Variants in METTL15 observed in about 807,000 individuals in gnomAD.
The protein encoded by METTL15 is 12S rRNA N(4)-cytidine methyltransferase METTL15.
In METTL15, 34 loss-of-function variants were observed where a neutral mutation model predicts 38.3. The observed-to-expected ratio is 0.89, with a 90% CI of 0.68 to 1.18. The LOEUF is 1.18. Among genes scored for constraint, METTL15 ranks in the 50% most tolerant of loss-of-function variants. METTL15 has a pLI of 0.00. For missense variants in METTL15, 438 were observed against 498.4 expected, an observed-to-expected ratio of 0.88 and a Z score of 1.15; for synonymous variants, 162 against 170.9, an observed-to-expected ratio of 0.95 and a Z score of 0.41.
chr11:28,155,567 C>T (rs1289174659), intron 3 of METTL15, among the ~76,000 whole-genome samples: 1 of 152,042 alleles, frequency 6.6e-6, no homozygotes, highest in Non-Finnish European at 1.5e-5. Flanking sequence ...ACCCTCTTAA[C>T]AGAGATGAGA....
rs186644061 is a variant in METTL15 at position 28,498,260 on chromosome 11, G to T, written c.*425-28218G>T. Among the ~76,000 whole-genome samples, 14 of 152,130 alleles carry T rather than the reference G, an allele frequency of 9.2e-5. No individual in the cohort carries two copies. The East Asian group carries it at 2.7e-3, about 30-fold the overall frequency. ...TGCAAGCTCTGCCTCCTGGGTTCACGCCATTCTCCTACCTCAGCCTCCGGA... is the reference window on the plus strand; with the variant it reads ...TGCAAGCTCTGCCTCCTGGGTTCACTCCATTCTCCTACCTCAGCCTCCGGA... On this transcript the variant is annotated intron_variant and NMD_transcript_variant, in intron 6 of 7. Transcript: ENST00000532947.
In METTL15 at chr11:28,377,874, A is replaced by C. The variant is rs1850335420; in HGVS notation, c.*358+15838A>C. ...TCTGTTTGTTAGTTTTCCTTCTAACAGACAGGACCCTCAGCTGCAGGTCTG... is the reference window on the plus strand; with the variant it reads ...TCTGTTTGTTAGTTTTCCTTCTAACCGACAGGACCCTCAGCTGCAGGTCTG... On this transcript the variant is annotated intron_variant and NMD_transcript_variant, in intron 5 of 7. Coordinates refer to the METTL15 transcript ENST00000532947. Among the ~76,000 whole-genome samples the C allele has an allele frequency of 1.3e-5, 2 of 151,962 alleles. 1 individual carries two copies. Among genetic ancestry groups the C allele is most frequent in the South Asian group, 4.2e-4 (2 of 4,812 alleles).
chr11:28,176,427 C>G (rs763402257), intron 3 of METTL15, among the ~76,000 whole-genome samples: 2 of 152,184 alleles, frequency 1.3e-5, no homozygotes, highest in Non-Finnish European at 2.9e-5. Context: ...GAATCCTTGC[C>G]TTACGATTTT....
intron 4 of METTL15, among the ~76,000 whole-genome samples, chr11:28,223,146 T>C (rs1853320225): frequency 6.6e-6 from 1 of 152,150 alleles, no homozygotes; most frequent in East Asian, 1.9e-4. Context: ...TGTTTTTACA[T>C]TTCCTACAAA....
intron 2 of METTL15, among the ~76,000 whole-genome samples, chr11:28,112,390 G>T (rs115380327): frequency 2.6e-5 from 4 of 152,106 alleles, no homozygotes; most frequent in Admixed American, 2.6e-4. Context: ...CTAATAACCT[G>T]TAAGGAAAGA....
At chr11:28,438,709 C>G (rs540367401) in intron 6 of METTL15, among the ~76,000 whole-genome samples, 1 of 132,790 alleles carries the variant, frequency 7.5e-6, no homozygotes, top group Non-Finnish European at 1.5e-5. Context: ...GAGTCTCGCT[C>G]TGTCGCACAG....
chr11:28,299,624 A>G (rs982864320), intron 6 of METTL15, among the ~76,000 whole-genome samples: 6 of 152,122 alleles, frequency 3.9e-5, no homozygotes, highest in African/African-American at 7.2e-5. Flanking sequence ...GAAAAGGGTT[A>G]AATCTGTCCA....
At chr11:28,374,441 T>C (rs1850282501) in intron 5 of METTL15, among the ~76,000 whole-genome samples, 1 of 150,418 alleles carries the variant, frequency 6.6e-6, no homozygotes, top group African/African-American at 2.4e-5. Flanking sequence ...TGAATGGGAG[T>C]TCACTCATGA....
intron 4 of METTL15, among the ~76,000 whole-genome samples, chr11:28,235,795 T>G (rs1378432812): frequency 1.3e-5 from 2 of 152,200 alleles, no homozygotes; most frequent in African/African-American, 2.4e-5. Flanking sequence ...GAATACCCTT[T>G]ATTTCCTTCT....
At chr11:28,430,858 G>A (rs1291078848) in intron 6 of METTL15, among the ~76,000 whole-genome samples, 2 of 113,090 alleles carry the variant, frequency 1.8e-5, no homozygotes, top group Admixed American at 8.7e-5. Flanking sequence ...AGGTGGGGGG[G>A]GTCAGCCCCC....
intron 6 of METTL15, among the ~76,000 whole-genome samples, chr11:28,429,447 C>T (rs1303176098): frequency 3.1e-5 from 4 of 130,510 alleles, no homozygotes; most frequent in East Asian, 2.7e-4. Context: ...GCTGCCATCT[C>T]GGCTCACTGC....
chr11:28,197,184 T>C (rs914494254), intron 3 of METTL15, among the ~76,000 whole-genome samples: 7 of 151,996 alleles, frequency 4.6e-5, no homozygotes, highest in African/African-American at 1.7e-4. Flanking sequence ...GTAATTTTTA[T>C]TGAATTTTAA....
At chr11:28,372,419 T>C (rs1176762436) in intron 5 of METTL15, among the ~76,000 whole-genome samples, 6 of 150,344 alleles carry the variant, frequency 4.0e-5, no homozygotes, top group African/African-American at 1.5e-4. Flanking sequence ...CATTAGTACA[T>C]TGGCTAGAAG....
At chr11:28,431,244 C>T (rs1195466870) in intron 6 of METTL15, among the ~76,000 whole-genome samples, 3 of 144,068 alleles carry the variant, frequency 2.1e-5, no homozygotes, top group African/African-American at 7.5e-5. Context: ...AAGTGAGGAG[C>T]CCCTCTGCCC....
At chr11:28,395,931 G>A (rs1850563447) in intron 5 of METTL15, among the ~76,000 whole-genome samples, 2 of 152,242 alleles carry the variant, frequency 1.3e-5, no homozygotes, top group African/African-American at 4.8e-5. Context: ...GGGATGCAAG[G>A]CTGGTTCAAC....
At chr11:28,501,609 G>A (rs1851583255) in intron 6 of METTL15, among the ~76,000 whole-genome samples, 2 of 152,070 alleles carry the variant, frequency 1.3e-5, no homozygotes, top group Non-Finnish European at 2.9e-5. Flanking sequence ...ACACCGTCAC[G>A]GAAGATACCA....
Position 28,435,345 on chromosome 11 carries a change from A to G in METTL15, c.*424+10981A>G, listed in dbSNP as rs537013123. 3.9e-5 allele frequency among the ~76,000 whole-genome samples: 6 copies of G among 152,352 alleles called. No homozygotes were observed. The East Asian group carries it at 7.7e-4, about 20-fold the overall frequency. ...CAGAATAACCTATATAAGTATTCTCATTTAGAAAGGGGATGAATTGAAACT... is the reference window on the plus strand; with the variant it reads ...CAGAATAACCTATATAAGTATTCTCGTTTAGAAAGGGGATGAATTGAAACT... On this transcript the variant is annotated intron_variant and NMD_transcript_variant, in intron 6 of 7. Coordinates refer to the METTL15 transcript ENST00000532947.
intron 4 of METTL15, among the ~76,000 whole-genome samples, chr11:28,242,760 C>T (rs1854353872): frequency 6.6e-6 from 1 of 151,958 alleles, no homozygotes; most frequent in South Asian, 2.1e-4. Flanking sequence ...CTCCATGAAC[C>T]CTGGTGGAAT....
chr11:28,495,589 C>T (rs572778599), intron 6 of METTL15, among the ~76,000 whole-genome samples: 1 of 152,160 alleles, frequency 6.6e-6, no homozygotes, highest in South Asian at 2.1e-4. Context: ...TTTATGTTTG[C>T]TTATATGTTT....
Sources: allele counts gnomAD v4.1 joint callset (sites outside exome capture counted in the v4.1 genomes callset), GRCh38; gene constraint gnomAD v4.1.1; transcripts MANE v1.5; gene names NCBI Gene and HGNC (gene_info 2026-07-23, HGNC 2026-07-21).